LARGE1: variants seen among roughly 807,000 people sequenced by gnomAD.
LARGE1 encodes the protein LARGE xylosyl- and glucuronyltransferase 1.
A neutral mutation model predicts 87.6 loss-of-function variants in LARGE1; 43 were observed. That is an observed-to-expected ratio of 0.49 (90% CI 0.38 to 0.63). The LOEUF (loss-of-function observed/expected upper bound fraction) is 0.63, where lower values mean the gene tolerates loss of function less well. Ranked by LOEUF, LARGE1 falls within the 30% of genes least tolerant of loss-of-function variation. The pLI is 0.00. For synonymous variants in LARGE1, 434 were observed against 394.6 expected, an observed-to-expected ratio of 1.10 and a Z score of -1.18; for missense variants, 802 against 1,000.2, an observed-to-expected ratio of 0.80 and a Z score of 2.67.
At chr22:33,067,977 C>CA in the LARGE1 span, among the ~76,000 whole-genome samples, 2,387 of 136,432 alleles carry the variant, frequency 0.017, 61 homozygotes, top group African/African-American at 0.058. Context: ...GAGACTGTCT[C>CA]AAAAAAAAAA....
chr22:33,282,109 C>T (rs147272260), intron 13 of LARGE1, among the ~76,000 whole-genome samples: 6,983 of 152,248 alleles, frequency 0.046, 218 homozygotes, highest in Middle Eastern at 0.088. Context: ...CTTTGGGAGG[C>T]CAAGGCAGGT....
chr22:33,536,185 C>T (rs1280482223), intron 6 of LARGE1, among the ~76,000 whole-genome samples: 2 of 152,196 alleles, frequency 1.3e-5, no homozygotes, highest in South Asian at 2.1e-4. Context: ...ATGGTAGAGA[C>T]GAGACTATTT....
chr22:33,469,202 A>T (rs2068732321), intron 6 of LARGE1, among the ~76,000 whole-genome samples: 2 of 152,198 alleles, frequency 1.3e-5, no homozygotes, highest in Admixed American at 1.3e-4. Context: ...AAGGAGTAGA[A>T]ACAGTTCTAT....
At chr22:33,253,396 T>C (rs1469002828) in intron 11 of LARGE1, among the ~76,000 whole-genome samples, 2 of 152,192 alleles carry the variant, frequency 1.3e-5, no homozygotes, top group African/African-American at 4.8e-5. Flanking sequence ...TCTGAGACTG[T>C]AAGTATGTTG....
At chr22:33,386,027 TG>T (rs1386810173) in intron 7 of LARGE1, among the ~76,000 whole-genome samples, 3 of 148,534 alleles carry the variant, frequency 2.0e-5, no homozygotes, top group African/African-American at 7.3e-5. Flanking sequence ...CAGGTGGAGT[TG>T]GAAAAAAAAT....
At chr22:33,760,065 G>C (rs1028590956) in intron 2 of LARGE1, among the ~76,000 whole-genome samples, 3 of 152,190 alleles carry the variant, frequency 2.0e-5, no homozygotes, top group Admixed American at 6.6e-5. Context: ...GTGAAGTGGA[G>C]ATCCTAATTA....
chr22:33,785,576 T>C (rs2085615622), intron 1 of LARGE1, among the ~76,000 whole-genome samples: 1 of 152,128 alleles, frequency 6.6e-6, no homozygotes, highest in Non-Finnish European at 1.5e-5. Context: ...TACAGACCTC[T>C]GACAAGTTTA....
At chr22:33,632,326 G>A (rs948816360) in intron 3 of LARGE1, among the ~76,000 whole-genome samples, 2 of 152,148 alleles carry the variant, frequency 1.3e-5, no homozygotes, top group Admixed American at 6.5e-5. Flanking sequence ...GTTTGGCCAC[G>A]TTGCCCAAGC....
the LARGE1 span, among the ~76,000 whole-genome samples, chr22:33,071,537 T>C: frequency 9.8e-5 from 15 of 152,310 alleles, no homozygotes; most frequent in Middle Eastern, 3.4e-3. Context: ...AGGCACATGC[T>C]CCTATTTTTA....
At chr22:33,900,763 C>T (rs5754753) in intron 1 of LARGE1, among the ~76,000 whole-genome samples, 121,516 of 152,248 alleles carry the variant, frequency 0.8, 49,344 homozygotes, top group East Asian at 1. Flanking sequence ...AAAGGGGAAG[C>T]TGGCTGGGCG....
the LARGE1 span, among the ~76,000 whole-genome samples, chr22:33,101,170 C>T: frequency 1.3e-5 from 2 of 152,120 alleles, no homozygotes; most frequent in Admixed American, 6.6e-5. Flanking sequence ...CACATCCATT[C>T]GTGGTCTTAT....
At chr22:33,613,571 C>T (rs920184290) in intron 4 of LARGE1, among the ~76,000 whole-genome samples, 17 of 152,200 alleles carry the variant, frequency 1.1e-4, no homozygotes, top group African/African-American at 3.9e-4. Flanking sequence ...TGGCTCACCA[C>T]AACCTCCGCC....
chr22:33,585,802 T>A (rs1007073556), intron 5 of LARGE1, among the ~76,000 whole-genome samples: 1 of 152,148 alleles, frequency 6.6e-6, no homozygotes, highest in Admixed American at 6.5e-5. Context: ...CACAAAGGGA[T>A]GTAAAGTGAG....
At chr22:33,718,275 A>G (rs2082972401) in intron 2 of LARGE1, among the ~76,000 whole-genome samples, 1 of 152,124 alleles carries the variant, frequency 6.6e-6, no homozygotes, top group Non-Finnish European at 1.5e-5. Flanking sequence ...GCTAAGTGTG[A>G]CCCATCAGGA....
chr22:33,893,051 G>T (rs1267858169), intron 1 of LARGE1, among the ~76,000 whole-genome samples: 1 of 152,218 alleles, frequency 6.6e-6, no homozygotes, highest in Admixed American at 6.5e-5. Flanking sequence ...GAGACTAGGG[G>T]TTCAGCAGAA....
At chr22:33,566,301 T>C (rs1382875410) in intron 5 of LARGE1, among the ~76,000 whole-genome samples, 1 of 152,228 alleles carries the variant, frequency 6.6e-6, no homozygotes, top group Non-Finnish European at 1.5e-5. Flanking sequence ...TGGATCAAGA[T>C]ATAATTTCTA....
intron 2 of LARGE1, among the ~76,000 whole-genome samples, chr22:33,654,322 C>G (rs1417902841): frequency 2.0e-5 from 3 of 152,280 alleles, no homozygotes; most frequent in Middle Eastern, 3.4e-3. Flanking sequence ...GGTCCATTAT[C>G]TTGAGCCGGC....
At chr22:33,419,571 C>T (rs1403401762) in intron 7 of LARGE1, among the ~76,000 whole-genome samples, 1 of 152,114 alleles carries the variant, frequency 6.6e-6, no homozygotes, top group Non-Finnish European at 1.5e-5. Flanking sequence ...AGAGACTCTA[C>T]CCAAAGAAAC....
At chr22:33,758,997 T>C (rs2084623686) in intron 2 of LARGE1, among the ~76,000 whole-genome samples, 1 of 152,170 alleles carries the variant, frequency 6.6e-6, no homozygotes, top group Non-Finnish European at 1.5e-5. Flanking sequence ...GCAATATTAG[T>C]GAATTAGCAA....
Sources: allele counts gnomAD v4.1 joint callset (sites outside exome capture counted in the v4.1 genomes callset), GRCh38; gene constraint gnomAD v4.1.1; transcripts MANE v1.5; gene names NCBI Gene and HGNC (gene_info 2026-07-23, HGNC 2026-07-21).